Variants in POU2F1 observed in about 807,000 individuals in gnomAD.
POU2F1 encodes the protein POU class 2 homeobox 1.
In POU2F1, 16 loss-of-function variants were observed where a neutral mutation model predicts 84.9. The observed-to-expected ratio is 0.19, with a 90% CI of 0.13 to 0.29. The LOEUF (loss-of-function observed/expected upper bound fraction) is 0.29, where lower values mean the gene tolerates loss of function less well. POU2F1 is among the 10% of genes least tolerant of loss of function. POU2F1 has a pLI of 1.00. For synonymous variants in POU2F1, 368 were observed against 368.3 expected (o/e 1.00, Z 0.01); for missense variants, 738 against 942.6 (o/e 0.78, Z 2.84).
rs1660303947 is a variant in POU2F1 at position 167,376,021 on chromosome 1, T to C, written c.592-8T>C. On this transcript the variant is annotated splice_region_variant and splice_polypyrimidine_tract_variant and intron_variant, in intron 6 of 15. Coordinates refer to ENST00000367866, the MANE Select transcript of POU2F1 (RefSeq NM_002697.4). Reference sequence around the variant, plus strand: ...TCTCCAATCCATGTTTTAATTCCAATTTTTCAGGATCTTCAACAACTGCAA... The same window carrying C: ...TCTCCAATCCATGTTTTAATTCCAACTTTTCAGGATCTTCAACAACTGCAA... 6.2e-7 allele frequency: 1 copy of C among 1,613,826 alleles called. No homozygotes were observed. The highest frequency in any genetic ancestry group is 8.5e-7 in the Non-Finnish European group (1 of 1,179,888).
At chr1:167,254,389 A>G (rs529439640) in intron 1 of POU2F1, among the ~76,000 whole-genome samples, 23 of 152,212 alleles carry the variant, frequency 1.5e-4, no homozygotes, top group Non-Finnish European at 2.4e-4. Context: ...TACTAGTACA[A>G]CTAAACTAGT....
At chr1:167,310,859 T>C (rs998269021) in intron 1 of POU2F1, among the ~76,000 whole-genome samples, 1 of 152,132 alleles carries the variant, frequency 6.6e-6, no homozygotes, top group Admixed American at 6.5e-5. Context: ...CTACAATATC[T>C]GGATTAAAAC....
chr1:167,222,033 C>G (rs1422499324), intron 1 of POU2F1, among the ~76,000 whole-genome samples: 1 of 152,160 alleles, frequency 6.6e-6, no homozygotes. Context: ...CCTCCGTTCC[C>G]CCCACCCCCT....
intron 1 of POU2F1, among the ~76,000 whole-genome samples, chr1:167,316,907 T>A (rs1655943215): frequency 1.3e-5 from 2 of 152,188 alleles, no homozygotes; most frequent in Non-Finnish European, 1.5e-5. Context: ...TTTTTATTTT[T>A]TTGAGATGGA....
At chr1:167,373,560 C>T (rs139181178) in intron 5 of POU2F1, among the ~76,000 whole-genome samples, 90 of 152,160 alleles carry the variant, frequency 5.9e-4, no homozygotes, top group African/African-American at 2.0e-3. Context: ...TCAGTGCTTT[C>T]AATAACAGAA....
intron 2 of POU2F1, 119 bp from the exon 3 acceptor site, chr1:167,365,348 G>A: frequency 1.7e-6 from 1 of 605,562 alleles, no homozygotes; most frequent in East Asian, 3.3e-5. Context: ...CTTCTCCTTG[G>A]AGGTACTTAG....
At chr1:167,301,507 A>G (rs1571258178) in intron 1 of POU2F1, among the ~76,000 whole-genome samples, 2 of 152,242 alleles carry the variant, frequency 1.3e-5, no homozygotes, top group Admixed American at 6.5e-5. Flanking sequence ...CCTCTTTGCC[A>G]TTGCCAGCTG....
chr1:167,266,985 A>T (rs1652008209), intron 1 of POU2F1, among the ~76,000 whole-genome samples: 2 of 152,190 alleles, frequency 1.3e-5, no homozygotes, highest in Admixed American at 6.5e-5. Flanking sequence ...TACACCAGTA[A>T]GGAAAGATAT....
chr1:167,385,330 T>A (rs1262766060), intron 8 of POU2F1, among the ~76,000 whole-genome samples: 1 of 152,208 alleles, frequency 6.6e-6, no homozygotes, highest in East Asian at 1.9e-4. Context: ...ATTTGCATAC[T>A]GTTTCTAACA....
rs980022692 is a variant in POU2F1, at chr1:167,401,515, T to C, written c.1514T>C (p.Leu505Pro). ...AATTLTVSPV[L>P]PLTSAAVTNL... ...ACTACCCTCACAGTCAGCCCTGTCC[T>C]CCCTCTGACCAGTGCTGCTGTGACG... The change falls in exon 13 of 16, where the codon CTC becomes CCC. Residue 505 changes from leucine (L) to proline (P), a missense_variant. Transcript: ENST00000367866. The C allele has an allele frequency of 1.9e-6, 3 of 1,613,090 alleles. No homozygotes were observed. Among genetic ancestry groups the C allele is most frequent in the Non-Finnish European group, 2.5e-6 (3 of 1,179,618 alleles).
chr1:167,309,599 T>G (rs1302547791), intron 1 of POU2F1, among the ~76,000 whole-genome samples: 2 of 152,202 alleles, frequency 1.3e-5, no homozygotes, highest in Non-Finnish European at 2.9e-5. Flanking sequence ...TGACAAATAT[T>G]AAAGTAAATT....
At chr1:167,327,953 C>T (rs1656817933) in intron 1 of POU2F1, among the ~76,000 whole-genome samples, 1 of 152,062 alleles carries the variant, frequency 6.6e-6, no homozygotes, top group Admixed American at 6.6e-5. Context: ...TTTTATAAAT[C>T]TCCTGAATTG....
At chr1:167,295,025 A>T (rs770100818) in intron 1 of POU2F1, among the ~76,000 whole-genome samples, 1 of 151,866 alleles carries the variant, frequency 6.6e-6, no homozygotes, top group Non-Finnish European at 1.5e-5. Flanking sequence ...CCAGCTACTC[A>T]GGAGGCTGAG....
chr1:167,415,506 C>T lies in POU2F1; in HGVS notation c.1997C>T (p.Ala666Val), dbSNP rs769181971. ...NSTLATIQAL[A>V]SGGSLPITSL... is the part of the protein sequence containing the mutation. Reference sequence around the variant, plus strand: ...GGGGGGTTTTTGTCTGTAGCTCTTGCTTCTGGTGGCTCTCTTCCAATAACA... The same window carrying T: ...GGGGGGTTTTTGTCTGTAGCTCTTGTTTCTGGTGGCTCTCTTCCAATAACA... Residue 666 changes from alanine (A) to valine (V), a missense_variant, in exon 16 of 16, where the codon GCT becomes GTT. Coordinates refer to ENST00000367866, the MANE Select transcript of POU2F1 (RefSeq NM_002697.4). The T allele has an allele frequency of 1.9e-6, 3 of 1,613,814 alleles. No homozygotes were observed. The highest frequency in any genetic ancestry group is 2.5e-6 in the Non-Finnish European group (3 of 1,179,804).
intron 1 of POU2F1, among the ~76,000 whole-genome samples, chr1:167,260,879 T>A (rs1373799992): frequency 6.6e-6 from 1 of 152,108 alleles, no homozygotes; most frequent in Non-Finnish European, 1.5e-5. Context: ...TTTAGTGCAT[T>A]TAATGCACTA....
At chr1:167,287,400 C>A (rs1327956388) in intron 1 of POU2F1, among the ~76,000 whole-genome samples, 2 of 152,130 alleles carry the variant, frequency 1.3e-5, no homozygotes, top group East Asian at 1.9e-4. Context: ...TCATATTCCT[C>A]CAGATTAAAG....
chr1:167,247,358 A>C (rs970350811), intron 1 of POU2F1, among the ~76,000 whole-genome samples: 5 of 152,140 alleles, frequency 3.3e-5, no homozygotes, highest in African/African-American at 1.2e-4. Flanking sequence ...GTGACCTGCC[A>C]CACCCAGCCT....
At chr1:167,369,147 A>G (rs1659858505) in intron 3 of POU2F1, among the ~76,000 whole-genome samples, 1 of 152,062 alleles carries the variant, frequency 6.6e-6, no homozygotes, top group Non-Finnish European at 1.5e-5. Flanking sequence ...GACTGTTTTG[A>G]ACAGTGTACA....
chr1:167,306,064 T>C (rs1457196945), intron 1 of POU2F1, among the ~76,000 whole-genome samples: 1 of 152,220 alleles, frequency 6.6e-6, no homozygotes, highest in Non-Finnish European at 1.5e-5. Context: ...GTCAACTTGT[T>C]AACCCTCCAC....
Sources: gnomAD v4.1 joint callset for allele counts (sites outside exome capture counted in the v4.1 genomes callset) on GRCh38, gnomAD v4.1.1 for gene constraint, MANE v1.5 for transcripts, NCBI Gene and HGNC (gene_info 2026-07-23, HGNC 2026-07-21) for gene names.